Variants in ITGA8 observed in about 807,000 individuals in gnomAD.
The protein encoded by ITGA8 is integrin alpha-8.
ITGA8 carries 91 observed loss-of-function variants against 142.3 expected under a neutral mutation model. The ratio of observed to expected loss-of-function variants is 0.64; its 90% CI spans 0.54 to 0.76. The LOEUF is 0.76. Among genes scored for constraint, ITGA8 ranks in the 30% least tolerant of loss-of-function variants. The pLI, the probability that ITGA8 is intolerant of heterozygous loss-of-function variation, is 0.00. For synonymous variants in ITGA8, 505 were observed against 485.2 expected (o/e 1.04, Z -0.54); for missense variants, 1,406 against 1,327.7 (o/e 1.06, Z -0.92).
At chr10:15,550,440 C>A (rs1470684528) in intron 26 of ITGA8, among the ~76,000 whole-genome samples, 2 of 152,174 alleles carry the variant, frequency 1.3e-5, no homozygotes, top group Non-Finnish European at 2.9e-5. Context: ...ACTAACCCTG[C>A]CCTTCAGAGG....
chr10:15,647,122 A>G, intron 11 of ITGA8, 71 bp from the exon 12 acceptor site: 1 of 1,116,284 alleles, frequency 9.0e-7, no homozygotes, highest in Non-Finnish European at 1.3e-6. Context: ...TTTGTAATCA[A>G]CTAGACTAGT....
At chr10:15,706,732 G>T (rs1414544652) in intron 2 of ITGA8, among the ~76,000 whole-genome samples, 1 of 152,036 alleles carries the variant, frequency 6.6e-6, no homozygotes, top group Non-Finnish European at 1.5e-5. Context: ...GAGCCCCCAT[G>T]ACTGACCAAA....
Position 15,627,057 on chromosome 10 carries a change from C to T in ITGA8, c.1400-10498G>A, listed in dbSNP as rs893230485. Among the ~76,000 whole-genome samples the T allele has an allele frequency of 5.3e-5, 8 of 152,196 alleles. No individual in the cohort carries two copies. In the South Asian group the frequency reaches 1.5e-3, roughly 28 times the overall value. Reference sequence around the variant, plus strand: ...TTGAACTTCCAGCATGAGCCAGGTCCCACCCTAACTGCCCAGGATTCAGCA... The same window carrying T: ...TTGAACTTCCAGCATGAGCCAGGTCTCACCCTAACTGCCCAGGATTCAGCA... On this transcript the variant is annotated intron_variant, in intron 13 of 29. Transcript: ENST00000378076.
intron 20 of ITGA8, among the ~76,000 whole-genome samples, chr10:15,601,165 G>A (rs1833098142): frequency 5.3e-5 from 8 of 152,070 alleles, no homozygotes; most frequent in Admixed American, 5.2e-4. Context: ...CTTGAACCCA[G>A]GAGGCAGAGG....
intron 7 of ITGA8, among the ~76,000 whole-genome samples, chr10:15,671,879 C>CAAAAA (rs34588118): frequency 2.6e-3 from 207 of 79,464 alleles, no homozygotes; most frequent in East Asian, 3.4e-3. Context: ...AGGAGCAAAG[C>CAAAAA]AAAAAAAAAA....
chr10:15,673,897 AGCAATTTCCGCT>A (rs1834576693), intron 6 of ITGA8, among the ~76,000 whole-genome samples: 1 of 152,248 alleles, frequency 6.6e-6, no homozygotes, highest in Non-Finnish European at 1.5e-5. Flanking sequence ...AAAGACAACC[AGCAATTTCCGCT>A]GCAATTTCTA....
At chr10:15,540,387 G>T (rs191483409) in intron 27 of ITGA8, among the ~76,000 whole-genome samples, 117 of 152,278 alleles carry the variant, frequency 7.7e-4, no homozygotes, top group African/African-American at 2.8e-3. Context: ...GAGAACATGT[G>T]ATATTTGTCT....
chr10:15,563,200 C>T (rs780420377), intron 25 of ITGA8, among the ~76,000 whole-genome samples: 3 of 152,256 alleles, frequency 2.0e-5, no homozygotes, highest in African/African-American at 4.8e-5. Flanking sequence ...CCTGCAGAAC[C>T]GTGAGCCAAT....
chr10:15,562,130 A>G (rs963903541), intron 25 of ITGA8, among the ~76,000 whole-genome samples: 26 of 152,182 alleles, frequency 1.7e-4, no homozygotes, highest in Non-Finnish European at 4.4e-5. Flanking sequence ...TCAAGATGAG[A>G]TTTGTGTGGG....
intron 8 of ITGA8, among the ~76,000 whole-genome samples, chr10:15,669,826 CA>C (rs1834474062): frequency 6.6e-6 from 1 of 152,150 alleles, no homozygotes; most frequent in South Asian, 2.1e-4. Context: ...TGCAGAATAG[CA>C]GATATTGGTG....
intron 13 of ITGA8, among the ~76,000 whole-genome samples, chr10:15,618,064 G>A (rs959599515): frequency 6.6e-6 from 1 of 152,138 alleles, no homozygotes; most frequent in Non-Finnish European, 1.5e-5. Context: ...GATAGCCACT[G>A]GGGACTCCAA....
intron 8 of ITGA8, 110 bp downstream of exon 8, chr10:15,671,493 A>G (rs1383522446): frequency 1.2e-6 from 1 of 848,302 alleles, no homozygotes; most frequent in Non-Finnish European, 2.0e-6. Context: ...GACTCCATTA[A>G]TATCCCTTTG....
In ITGA8 at chr10:15,672,724, T is replaced by C; in HGVS notation, c.702A>G (p.Ala234=). The change falls in exon 7 of 30, where the codon GCA becomes GCG. Residue 234 remains alanine (A), a synonymous_variant. Coordinates refer to ENST00000378076, the MANE Select transcript of ITGA8 (RefSeq NM_003638.3). ...TGAATGAGTAATTTGCAATGATATC[T>C]GCAACACTGGCAGTGATCACTTGTC... ...WQGQVITASV[A]DIIANYSFKD... is the part of the protein sequence containing the mutation. 1 of 1,612,502 alleles carries C rather than the reference T, an allele frequency of 6.2e-7. No homozygotes were observed.
intron 2 of ITGA8, among the ~76,000 whole-genome samples, chr10:15,716,824 G>A (rs1044283278): frequency 6.6e-6 from 1 of 151,858 alleles, no homozygotes; most frequent in Non-Finnish European, 1.5e-5. Flanking sequence ...CCTTAGGCCC[G>A]GCTGATTTTG....
intron 28 of ITGA8, among the ~76,000 whole-genome samples, chr10:15,526,028 A>G (rs1386513012): frequency 1.3e-5 from 2 of 152,192 alleles, no homozygotes; most frequent in Non-Finnish European, 2.9e-5. Context: ...TTAAGTTTAC[A>G]TTGAAATGTG....
chr10:15,707,478 C>T (rs145736857), intron 2 of ITGA8, among the ~76,000 whole-genome samples: 2 of 152,092 alleles, frequency 1.3e-5, no homozygotes, highest in African/African-American at 4.8e-5. Context: ...TCTGCCAACA[C>T]CTTGATGCTA....
intron 25 of ITGA8, among the ~76,000 whole-genome samples, chr10:15,562,494 G>A (rs1271049489): frequency 6.6e-6 from 1 of 152,206 alleles, no homozygotes; most frequent in African/African-American, 2.4e-5. Flanking sequence ...TCATCATGGA[G>A]TCCAGGCTTG....
chr10:15,548,706 A>G, intron 26 of ITGA8, 138 bp from the exon 27 acceptor site: 1 of 546,236 alleles, frequency 1.8e-6, no homozygotes, highest in Non-Finnish European at 3.1e-6. Context: ...AGAACAATAT[A>G]TTGCAACAAC....
At chr10:15,588,886 C>T (rs1384832572) in intron 22 of ITGA8, among the ~76,000 whole-genome samples, 2 of 152,142 alleles carry the variant, frequency 1.3e-5, no homozygotes, top group Admixed American at 1.3e-4. Flanking sequence ...ACCTTCTGGT[C>T]GGCTAATCAA....
Sources: allele counts gnomAD v4.1 joint callset (sites outside exome capture counted in the v4.1 genomes callset), GRCh38; gene constraint gnomAD v4.1.1; transcripts MANE v1.5; gene names NCBI Gene and HGNC (gene_info 2026-07-23, HGNC 2026-07-21).